Variants in MYRIP observed in about 807,000 individuals in gnomAD.
The protein encoded by MYRIP is myosin VIIA and Rab interacting protein, also known as rab effector MyRIP.
A neutral mutation model predicts 98.0 loss-of-function variants in MYRIP; 49 were observed. The ratio of observed to expected loss-of-function variants is 0.50; its 90% confidence interval spans 0.40 to 0.63. The LOEUF is 0.63. MYRIP is among the 30% of genes least tolerant of loss of function. MYRIP has a pLI of 0.00. For synonymous variants in MYRIP, 404 were observed against 409.5 expected (o/e 0.99, Z 0.16); for missense variants, 1,004 against 1,058.2 (o/e 0.95, Z 0.71).
chr3:39,856,480 C>T (rs915654750), intron 1 of MYRIP, among the ~76,000 whole-genome samples: 12 of 152,178 alleles, frequency 7.9e-5, no homozygotes, highest in African/African-American at 2.9e-4. Flanking sequence ...ACAGTAGAAC[C>T]AGAAACACCA....
intron 2 of MYRIP, among the ~76,000 whole-genome samples, chr3:40,029,924 G>C (rs889070752): frequency 1.3e-5 from 2 of 152,010 alleles, no homozygotes; most frequent in Non-Finnish European, 2.9e-5. Flanking sequence ...AATTAGCCAG[G>C]TGTAACATGC....
chr3:40,030,839 A>G (rs1219688207), intron 2 of MYRIP, among the ~76,000 whole-genome samples: 2 of 152,156 alleles, frequency 1.3e-5, no homozygotes, highest in Non-Finnish European at 2.9e-5. Context: ...AGAATGCTTC[A>G]TGAATACTGA....
chr3:40,141,147 A>G lies in MYRIP; in HGVS notation c.333-9901A>G, dbSNP rs116828698. ...CTGTTTTGATTTTTAGGTCCCACAA[A>G]TAAGTGAGAACATGCAACATTTGTC... On this transcript the variant is annotated intron_variant, in intron 3 of 16. Transcript: ENST00000302541. Among the ~76,000 whole-genome samples the G allele has an allele frequency of 1.8e-3, 270 of 152,326 alleles. 1 individual carries two copies. The highest frequency in any genetic ancestry group is 3.1e-3 in the Non-Finnish European group (210 of 68,034).
chr3:39,903,514 T>C (rs1943797475), intron 2 of MYRIP, among the ~76,000 whole-genome samples: 1 of 152,186 alleles, frequency 6.6e-6, no homozygotes. Context: ...AGTTCAGACG[T>C]TAAGTGTAAT....
intron 3 of MYRIP, chr3:40,071,260 G>A (rs531133158): frequency 3.3e-6 from 3 of 912,748 alleles, no homozygotes; most frequent in Non-Finnish European, 2.6e-6. Context: ...GTCAGAATGT[G>A]AGCCATCAGA....
chr3:39,975,990 CA>C (rs1390027161), intron 2 of MYRIP, among the ~76,000 whole-genome samples: 1 of 152,142 alleles, frequency 6.6e-6, no homozygotes, highest in Non-Finnish European at 1.5e-5. Context: ...TAGGCATGGG[CA>C]AGGACTTCAT....
At chr3:40,100,485 A>G (rs972287743) in intron 3 of MYRIP, among the ~76,000 whole-genome samples, 4 of 152,230 alleles carry the variant, frequency 2.6e-5, no homozygotes, top group Non-Finnish European at 5.9e-5. Context: ...CATTGGCTCT[A>G]TTTCAACAAT....
At chr3:40,143,524 A>G (rs1949952186) in intron 3 of MYRIP, among the ~76,000 whole-genome samples, 1 of 152,242 alleles carries the variant, frequency 6.6e-6, no homozygotes, top group Admixed American at 6.5e-5. Flanking sequence ...AATGAGGATA[A>G]TCATGACTGA....
At chr3:40,115,889 A>T (rs369927999) in intron 3 of MYRIP, among the ~76,000 whole-genome samples, 2 of 151,726 alleles carry the variant, frequency 1.3e-5, no homozygotes, top group Admixed American at 6.6e-5. Flanking sequence ...TCCGTAAGAG[A>T]TCACATATAA....
At chr3:40,202,548 A>C (rs1369509245) in intron 10 of MYRIP, among the ~76,000 whole-genome samples, 1 of 152,178 alleles carries the variant, frequency 6.6e-6, no homozygotes, top group Admixed American at 6.5e-5. Context: ...CCTTTTGTGA[A>C]AAAAGAGGTT....
At chr3:39,878,334 C>G (rs1024727983) in intron 1 of MYRIP, among the ~76,000 whole-genome samples, 5 of 152,186 alleles carry the variant, frequency 3.3e-5, no homozygotes, top group Non-Finnish European at 7.3e-5. Context: ...TCAGCTCGAG[C>G]ACAGTGCGCT....
chr3:40,116,748 G>A lies in MYRIP; in HGVS notation c.333-34300G>A, dbSNP rs141402206. 3.9e-5 allele frequency among the ~76,000 whole-genome samples: 6 copies of A among 152,290 alleles called. No individual in the cohort carries two copies. The East Asian group carries it at 5.8e-4, about 15-fold the overall frequency. On this transcript the variant is annotated intron_variant, in intron 3 of 16. Coordinates refer to ENST00000302541, the MANE Select transcript of MYRIP (RefSeq NM_015460.4). ...AGAACATCCCTTGTGGATGCTGCAG[G>A]TTCTTAGCCACAAATTAATACACAA...
chr3:39,822,238 C>T lies in MYRIP; in HGVS notation c.-31+12322C>T, dbSNP rs138606202. On this transcript the variant is annotated intron_variant, in intron 1 of 16. Transcript: ENST00000302541. ...GTATGTAGTGATGTTTCAATATATA[C>T]GGTATACAGTGATCAGATCAGGGTA... is the stretch of plus-strand genomic sequence containing the variant. Among the ~76,000 whole-genome samples, 329 of 152,188 alleles carry T rather than the reference C, an allele frequency of 2.2e-3. 3 individuals are homozygous for T. The highest frequency in any genetic ancestry group is 7.4e-3 in the African/African-American group (308 of 41,522).
chr3:40,147,564 CTG>C (rs1009546304), intron 3 of MYRIP, among the ~76,000 whole-genome samples: 6 of 152,056 alleles, frequency 3.9e-5, no homozygotes, highest in South Asian at 2.1e-4. Flanking sequence ...AGAAAAAAAA[CTG>C]TTATTCTTGG....
intron 3 of MYRIP, among the ~76,000 whole-genome samples, chr3:40,148,445 C>A (rs1048115025): frequency 2.6e-5 from 4 of 152,036 alleles, no homozygotes; most frequent in African/African-American, 4.8e-5. Context: ...CTGAATTGAT[C>A]CCCCATGTCT....
intron 2 of MYRIP, among the ~76,000 whole-genome samples, chr3:39,981,941 C>CA (rs974244682): frequency 2.6e-5 from 4 of 151,598 alleles, no homozygotes; most frequent in East Asian, 3.9e-4. Context: ...CACACACACA[C>CA]AAAAAAACAA....
chr3:40,164,982 C>T (rs1375406267), intron 5 of MYRIP, among the ~76,000 whole-genome samples: 1 of 152,184 alleles, frequency 6.6e-6, no homozygotes, highest in African/African-American at 2.4e-5. Context: ...TCACTGGGGC[C>T]ATCACAGAGC....
intron 2 of MYRIP, among the ~76,000 whole-genome samples, chr3:39,982,912 T>C (rs778284882): frequency 1.3e-5 from 2 of 152,210 alleles, no homozygotes; most frequent in African/African-American, 2.4e-5. Flanking sequence ...GTCAACCGCA[T>C]TTTCCATAAA....
chr3:40,228,645 T>C (rs1159135965), intron 11 of MYRIP, among the ~76,000 whole-genome samples: 1 of 152,234 alleles, frequency 6.6e-6, no homozygotes, highest in Non-Finnish European at 1.5e-5. Flanking sequence ...GTTCTTGTTA[T>C]AGGTGTTGGA....
Sources: allele counts gnomAD v4.1 joint callset (sites outside exome capture counted in the v4.1 genomes callset), GRCh38; gene constraint gnomAD v4.1.1; transcripts MANE v1.5; gene names NCBI Gene and HGNC (gene_info 2026-07-23, HGNC 2026-07-21).